Variants in HS6ST3 observed in about 807,000 individuals in gnomAD.
HS6ST3 encodes the protein heparan sulfate 6-O-sulfotransferase 3, also known as heparan-sulfate 6-O-sulfotransferase 3.
HS6ST3 carries 12 observed loss-of-function variants against 36.7 expected under a neutral mutation model. The observed-to-expected ratio is 0.33, with a 90% CI of 0.21 to 0.53. The LOEUF is 0.53. Ranked by LOEUF, HS6ST3 falls within the 20% of genes least tolerant of loss-of-function variation. The pLI is 0.95. For synonymous variants in HS6ST3, 240 were observed against 257.5 expected, an observed-to-expected ratio of 0.93 and a Z score of 0.65; for missense variants, 584 against 640.9, an observed-to-expected ratio of 0.91 and a Z score of 0.96.
At chr13:96,523,821 G>C (rs1339855289) in intron 1 of HS6ST3, among the ~76,000 whole-genome samples, 1 of 152,132 alleles carries the variant, frequency 6.6e-6, no homozygotes, top group African/African-American at 2.4e-5. Context: ...TTAGCTCAGA[G>C]AAGTTTGTTA....
At chr13:96,687,103 T>C (rs1160179829) in intron 1 of HS6ST3, among the ~76,000 whole-genome samples, 4 of 130,568 alleles carry the variant, frequency 3.1e-5, no homozygotes, top group Non-Finnish European at 6.7e-5. Context: ...TTTTTTTTTT[T>C]TTACAAATAT....
intron 1 of HS6ST3, among the ~76,000 whole-genome samples, chr13:96,311,858 C>T (rs1010077796): frequency 6.6e-6 from 1 of 152,168 alleles, no homozygotes; most frequent in Non-Finnish European, 1.5e-5. Context: ...GAAGAATGAG[C>T]TTCAAGAGGG....
rs557794039 is a variant in HS6ST3, at chr13:96,125,442, G to T, written c.707+33873G>T. Among the ~76,000 whole-genome samples the T allele has an allele frequency of 5.9e-5, 9 of 152,222 alleles. No individual in the cohort carries two copies. In the South Asian group the frequency reaches 1.7e-3, roughly 28 times the overall value. On this transcript the variant is annotated intron_variant, in intron 1 of 1. Coordinates refer to ENST00000376705, the MANE Select transcript of HS6ST3 (RefSeq NM_153456.4). ...TTGATCTTAACTTTAGGTGCATTAAGCTTCATAAACCAACCTCATTTCCAG... is the reference window on the plus strand; with the variant it reads ...TTGATCTTAACTTTAGGTGCATTAATCTTCATAAACCAACCTCATTTCCAG...
chr13:96,337,191 A>G (rs965252337), intron 1 of HS6ST3, among the ~76,000 whole-genome samples: 8 of 151,906 alleles, frequency 5.3e-5, no homozygotes, highest in Non-Finnish European at 8.8e-5. Flanking sequence ...TCAGCCTCCC[A>G]ATTTAGCTGT....
At chr13:96,470,908 G>A (rs1314827204) in intron 1 of HS6ST3, among the ~76,000 whole-genome samples, 1 of 152,132 alleles carries the variant, frequency 6.6e-6, no homozygotes, top group African/African-American at 2.4e-5. Flanking sequence ...AGAGGACATT[G>A]TGGAGGCCTC....
intron 1 of HS6ST3, among the ~76,000 whole-genome samples, chr13:96,535,099 G>A (rs2056150025): frequency 6.6e-6 from 1 of 152,180 alleles, no homozygotes; most frequent in African/African-American, 2.4e-5. Flanking sequence ...AGTCATTGTA[G>A]GCAGAGAGTC....
At chr13:96,565,405 A>G (rs2056277473) in intron 1 of HS6ST3, among the ~76,000 whole-genome samples, 2 of 152,124 alleles carry the variant, frequency 1.3e-5, no homozygotes, top group African/African-American at 4.8e-5. Context: ...AAAGAACAGG[A>G]CAGGTATCCC....
At chr13:96,198,406 C>T (rs1192506967) in intron 1 of HS6ST3, among the ~76,000 whole-genome samples, 2 of 152,172 alleles carry the variant, frequency 1.3e-5, no homozygotes, top group African/African-American at 2.4e-5. Flanking sequence ...TTGAATTTCT[C>T]CCCAGAAAAT....
intron 1 of HS6ST3, among the ~76,000 whole-genome samples, chr13:96,245,984 C>T (rs16952941): frequency 0.025 from 3,829 of 151,880 alleles, 61 homozygotes; most frequent in East Asian, 0.055. Flanking sequence ...GTAAACAAAC[C>T]GAATAGAGTT....
intron 1 of HS6ST3, among the ~76,000 whole-genome samples, chr13:96,402,826 T>C (rs1487338871): frequency 6.6e-6 from 1 of 152,248 alleles, no homozygotes; most frequent in East Asian, 1.9e-4. Context: ...TTGATGAACA[T>C]GTAGATTGTT....
intron 1 of HS6ST3, among the ~76,000 whole-genome samples, chr13:96,133,934 G>A (rs7998711): frequency 6.6e-6 from 1 of 150,504 alleles, no homozygotes; most frequent in Non-Finnish European, 1.5e-5. Flanking sequence ...ATTAAAACAT[G>A]TAATCCATTT....
chr13:96,818,636 G>T (rs1878471561), intron 1 of HS6ST3, among the ~76,000 whole-genome samples: 1 of 152,210 alleles, frequency 6.6e-6, no homozygotes, highest in African/African-American at 2.4e-5. Context: ...TGTCTTCAAT[G>T]CACAGGCGCA....
chr13:96,551,002 A>G (rs2056217418), intron 1 of HS6ST3, among the ~76,000 whole-genome samples: 1 of 152,192 alleles, frequency 6.6e-6, no homozygotes. Context: ...TTAGACTTCA[A>G]AGGTAGAATT....
At chr13:96,567,393 C>A (rs2056285196) in intron 1 of HS6ST3, among the ~76,000 whole-genome samples, 1 of 152,080 alleles carries the variant, frequency 6.6e-6, no homozygotes. Context: ...TGAAGGTGTG[C>A]AAACTTGATT....
Position 96,717,707 on chromosome 13 carries a change from C to A in HS6ST3, c.708-114783C>A, listed in dbSNP as rs570452081. 3.3e-5 allele frequency among the ~76,000 whole-genome samples: 5 copies of A among 152,258 alleles called. No individual in the cohort carries two copies. In the East Asian group the frequency reaches 9.7e-4, roughly 29 times the overall value. ...TAATTTTACAATGAAGAAATCAAAT[C>A]TCAGAAATGAGACAGACCTCTCCTG... On this transcript the variant is annotated intron_variant, in intron 1 of 1. Coordinates refer to ENST00000376705, the MANE Select transcript of HS6ST3 (RefSeq NM_153456.4).
At chr13:96,411,702 C>A (rs1214802481) in intron 1 of HS6ST3, among the ~76,000 whole-genome samples, 1 of 151,984 alleles carries the variant, frequency 6.6e-6, no homozygotes, top group Non-Finnish European at 1.5e-5. Context: ...AGAGGCAGGG[C>A]AATTAGTTAG....
chr13:96,616,199 G>T (rs1035233096), intron 1 of HS6ST3, among the ~76,000 whole-genome samples: 3 of 151,988 alleles, frequency 2.0e-5, no homozygotes, highest in African/African-American at 7.3e-5. Flanking sequence ...ATATACAAAG[G>T]CACCTGTATC....
intron 1 of HS6ST3, among the ~76,000 whole-genome samples, chr13:96,113,003 T>C (rs2053877973): frequency 6.6e-6 from 1 of 152,052 alleles, no homozygotes; most frequent in South Asian, 2.1e-4. Flanking sequence ...CCAACAGCTC[T>C]CTTCTGTCTT....
intron 1 of HS6ST3, among the ~76,000 whole-genome samples, chr13:96,205,250 A>G (rs995765269): frequency 2.6e-5 from 4 of 152,166 alleles, no homozygotes; most frequent in African/African-American, 4.8e-5. Context: ...ATTCCTGGAC[A>G]CATACACCCT....
Sources: gnomAD v4.1 joint callset for allele counts (sites outside exome capture counted in the v4.1 genomes callset) on GRCh38, gnomAD v4.1.1 for gene constraint, MANE v1.5 for transcripts, NCBI Gene and HGNC (gene_info 2026-07-23, HGNC 2026-07-21) for gene names.